The following ZFHX3 variants were observed in gnomAD, a reference collection of about 807,000 sequenced individuals.
ZFHX3 encodes zinc finger homeobox 3.
ZFHX3 carries 42 observed loss-of-function variants against 279.1 expected under a neutral mutation model. The ratio of observed to expected loss-of-function variants is 0.15; its 90% CI spans 0.12 to 0.19. The LOEUF (loss-of-function observed/expected upper bound fraction) is 0.19. ZFHX3 is among the 10% of genes least tolerant of loss of function. The pLI, the probability that ZFHX3 is intolerant of heterozygous loss-of-function variation, is 1.00. For synonymous variants in ZFHX3, 2,293 were observed against 1,957.8 expected (o/e 1.17, Z -4.52); for missense variants, 4,981 against 4,754.0 (o/e 1.05, Z -1.40).
chr16:73,182,131 C>G (rs1481613476), intron 5 of ZFHX3, among the ~76,000 whole-genome samples: 1 of 152,134 alleles, frequency 6.6e-6, no homozygotes, highest in Non-Finnish European at 1.5e-5. Flanking sequence ...GAAGAAAATC[C>G]CAACTAGAGC....
At chr16:73,445,282 G>GTATA (rs55817826) in intron 3 of ZFHX3, among the ~76,000 whole-genome samples, 6 of 151,146 alleles carry the variant, frequency 4.0e-5, no homozygotes, top group Middle Eastern at 3.5e-3. Flanking sequence ...ATATATGTGT[G>GTATA]TATATATATA....
chr16:73,356,172 C>A (rs993871676), intron 3 of ZFHX3, among the ~76,000 whole-genome samples: 3 of 152,198 alleles, frequency 2.0e-5, no homozygotes, highest in Non-Finnish European at 4.4e-5. Flanking sequence ...GGAGTCACCC[C>A]CCGCCGACCA....
At chr16:73,316,440 C>T (rs867013353) in intron 4 of ZFHX3, among the ~76,000 whole-genome samples, 52 of 152,154 alleles carry the variant, frequency 3.4e-4, no homozygotes, top group African/African-American at 1.2e-3. Flanking sequence ...CTATGCTGGG[C>T]CTTCCCCGTT....
At chr16:73,793,622 C>A (rs1419732960) in intron 1 of ZFHX3, among the ~76,000 whole-genome samples, 2 of 152,160 alleles carry the variant, frequency 1.3e-5, no homozygotes, top group Non-Finnish European at 2.9e-5. Flanking sequence ...CTCCTCCCTG[C>A]CAAGAGATCT....
At chr16:73,793,134 G>T (rs1236118059) in intron 1 of ZFHX3, among the ~76,000 whole-genome samples, 1 of 152,146 alleles carries the variant, frequency 6.6e-6, no homozygotes, top group African/African-American at 2.4e-5. Context: ...CAGCCCTCCT[G>T]TGCCTTCCTA....
At chr16:72,887,687 G>T (rs2038663276) in intron 4 of ZFHX3, among the ~76,000 whole-genome samples, 1 of 149,912 alleles carries the variant, frequency 6.7e-6, no homozygotes, top group Non-Finnish European at 1.5e-5. Flanking sequence ...TTGCATGTGG[G>T]GGGTGCAGTG....
chr16:73,124,087 A>T (rs187003176), intron 7 of ZFHX3, among the ~76,000 whole-genome samples: 1 of 152,358 alleles, frequency 6.6e-6, no homozygotes, highest in Admixed American at 6.5e-5. Flanking sequence ...AGGTGGGAAA[A>T]TCCATGTAGA....
chr16:73,248,774 C>T (rs1306084634), intron 5 of ZFHX3, among the ~76,000 whole-genome samples: 1 of 151,936 alleles, frequency 6.6e-6, no homozygotes, highest in Non-Finnish European at 1.5e-5. Context: ...ACATGAGTAA[C>T]GTCAAAGAAG....
At chr16:73,778,011 C>T (rs77526875) in intron 1 of ZFHX3, among the ~76,000 whole-genome samples, 3,036 of 151,874 alleles carry the variant, frequency 0.02, 63 homozygotes, top group East Asian at 0.084. Flanking sequence ...GCCTGGATGA[C>T]AGAGTGAGAC....
At position 72,793,394 on chromosome 16, in the gene ZFHX3, C is replaced by T. The variant is rs960263198; in HGVS notation, c.9288G>A (p.Gln3096=). 3 of 1,614,192 alleles carry T rather than the reference C, an allele frequency of 1.9e-6. No individual in the cohort carries two copies. The South Asian group carries it at 3.3e-5, about 18-fold the overall frequency. ...KANEVLGLAA[Q]QQGMFDNTPL... ...GGGTGTTGTCAAACATCCCTTGCTG[C>T]TGAGCTGCCAGTCCAAGGACCTCGT... Residue 3096 remains glutamine (Q), a synonymous_variant, in exon 9 of 10, where the codon CAG becomes CAA. Transcript: ENST00000268489. The surrounding 1 kb of genome is among the most constrained non-coding windows in gnomAD (Gnocchi z 4.3).
At chr16:73,814,799 C>G (rs1187821716) in intron 1 of ZFHX3, among the ~76,000 whole-genome samples, 1 of 152,058 alleles carries the variant, frequency 6.6e-6, no homozygotes, top group Non-Finnish European at 1.5e-5. Flanking sequence ...AACTCCTGAC[C>G]TTAGGTGATG....
At chr16:73,416,691 G>A (rs2017588991) in intron 3 of ZFHX3, among the ~76,000 whole-genome samples, 2 of 151,962 alleles carry the variant, frequency 1.3e-5, no homozygotes, top group Admixed American at 1.3e-4. Flanking sequence ...GGCTAACATG[G>A]TGAAACCCCC....
At chr16:73,440,859 T>C (rs2018080148) in intron 3 of ZFHX3, among the ~76,000 whole-genome samples, 1 of 152,230 alleles carries the variant, frequency 6.6e-6, no homozygotes, top group Non-Finnish European at 1.5e-5. Flanking sequence ...TTCCTCTTTA[T>C]TGCTCTCATA....
At chr16:73,232,677 A>G (rs748443628) in intron 5 of ZFHX3, 3 of 152,162 alleles carry the variant, frequency 2.0e-5, no homozygotes, top group Non-Finnish European at 2.9e-5. Flanking sequence ...GGTATCTCCT[A>G]CGTAAGAGCT....
intron 1 of ZFHX3, among the ~76,000 whole-genome samples, chr16:73,695,596 G>C (rs184259694): frequency 3.3e-5 from 5 of 152,300 alleles, no homozygotes; most frequent in African/African-American, 1.2e-4. Context: ...AGGGAGAAAA[G>C]GGTATACGTT....
At chr16:73,441,671 C>T (rs1414344428) in intron 3 of ZFHX3, among the ~76,000 whole-genome samples, 1 of 152,148 alleles carries the variant, frequency 6.6e-6, no homozygotes, top group African/African-American at 2.4e-5. Context: ...AAGCAGCCAT[C>T]GCCAACCACC....
intron 5 of ZFHX3, among the ~76,000 whole-genome samples, chr16:73,219,197 A>G (rs1004146283): frequency 2.6e-5 from 4 of 152,178 alleles, no homozygotes; most frequent in African/African-American, 7.2e-5. Flanking sequence ...TCTTCTGTCA[A>G]TGGACATTTA....
intron 1 of ZFHX3, among the ~76,000 whole-genome samples, chr16:73,009,963 G>T (rs1963853255): frequency 6.8e-6 from 1 of 147,842 alleles, no homozygotes; most frequent in Admixed American, 7.0e-5. Flanking sequence ...AGAGGTTGCA[G>T]TGAGCCGAGA....
Position 72,787,643 on chromosome 16 carries a change from T to G in ZFHX3, c.10633A>C (p.Ser3545Arg). 6.2e-7 allele frequency: 1 copy of G among 1,610,620 alleles called. No individual in the cohort carries two copies. Among genetic ancestry groups the G allele is most frequent in the South Asian group, 1.1e-5 (1 of 90,748 alleles). Residue 3545 changes from serine to arginine, a missense_variant, in exon 10 of 10, where the codon AGT (serine) becomes CGT (arginine). Ser to Arg is a moderately radical substitution (Grantham distance 110). Around this residue, in one of 7 missense-constraint regions of ZFHX3, gnomAD observed 1,034 missense variants for 786.0 expected, o/e 1.32. Coordinates refer to ENST00000268489, the MANE Select transcript of ZFHX3 (RefSeq NM_006885.4). ...TGCAAGGCCGACTCGAGATGTTGAC[T>G]CAGAGCTTCCTCCCCACAGAGCGCG... ...ESALCGEEALSQHLESALHKH... is the reference protein window; with the variant it reads ...ESALCGEEALRQHLESALHKH...
Sources: gnomAD v4.1 joint callset for allele counts (sites outside exome capture counted in the v4.1 genomes callset) on GRCh38, gnomAD v4.1.1 for gene constraint, gnomAD v4.1.1 regional missense constraint, Gnocchi (gnomAD v3.1) non-coding constraint, MANE v1.5 for transcripts, NCBI Gene and HGNC (gene_info 2026-07-23, HGNC 2026-07-21) for gene names.